ADAMTS17: variants seen among roughly 807,000 people sequenced by gnomAD.
The protein encoded by ADAMTS17 is ADAM metallopeptidase with thrombospondin type 1 motif 17.
ADAMTS17 carries 113 observed loss-of-function variants against 141.5 expected under a neutral mutation model. The ratio of observed to expected loss-of-function variants is 0.80; its 90% CI spans 0.69 to 0.93. The LOEUF (loss-of-function observed/expected upper bound fraction) is 0.93, where lower values mean the gene tolerates loss of function less well. Among genes scored for constraint, ADAMTS17 ranks in the 40% least tolerant of loss-of-function variants. The probability of loss-of-function intolerance (pLI) is 0.00; values close to 1 mark genes in which losing one functional copy is unlikely to be tolerated. For missense variants in ADAMTS17, 1,659 were observed against 1,517.9 expected, an observed-to-expected ratio of 1.09 and a Z score of -1.54; for synonymous variants, 768 against 630.6, an observed-to-expected ratio of 1.22 and a Z score of -3.27.
At chr15:100,125,625 C>T (rs2037693109) in intron 12 of ADAMTS17, among the ~76,000 whole-genome samples, 1 of 152,190 alleles carries the variant, frequency 6.6e-6, no homozygotes, top group Non-Finnish European at 1.5e-5. Context: ...TCCCCACACA[C>T]AAACTGTCGA....
At chr15:100,106,546 C>G (rs2036424377) in intron 14 of ADAMTS17, among the ~76,000 whole-genome samples, 1 of 152,188 alleles carries the variant, frequency 6.6e-6, no homozygotes, top group Non-Finnish European at 1.5e-5. Flanking sequence ...CCCATTGGCA[C>G]AGATCGCACA....
At chr15:100,144,296 A>G (rs1278294167) in intron 10 of ADAMTS17, among the ~76,000 whole-genome samples, 3 of 152,202 alleles carry the variant, frequency 2.0e-5, no homozygotes. Context: ...TCACACCTGT[A>G]GTCCCAGCAC....
At chr15:100,072,335 G>C (rs200075012) in intron 15 of ADAMTS17, among the ~76,000 whole-genome samples, 1 of 145,394 alleles carries the variant, frequency 6.9e-6, no homozygotes. Context: ...TACTGCCCAA[G>C]GTAATTTATA....
chr15:100,333,149 C>T lies in ADAMTS17; in HGVS notation c.451-2095G>A, dbSNP rs59188932. Reference sequence around the variant, plus strand: ...TCTTCCCTAAATAAACCCCCTTCCCCGCAGCCCCCTGCACTCTTACATTCC... The same window carrying T: ...TCTTCCCTAAATAAACCCCCTTCCCTGCAGCCCCCTGCACTCTTACATTCC... On this transcript the variant is annotated intron_variant, in intron 2 of 21. Coordinates refer to ENST00000268070, the MANE Select transcript of ADAMTS17 (RefSeq NM_139057.4). 1.7e-4 allele frequency among the ~76,000 whole-genome samples: 26 copies of T among 152,294 alleles called. 1 individual carries two copies. The East Asian group carries it at 3.9e-3, about 23-fold the overall frequency.
At chr15:100,288,748 A>G (rs974229166) in intron 3 of ADAMTS17, among the ~76,000 whole-genome samples, 1 of 152,220 alleles carries the variant, frequency 6.6e-6, no homozygotes, top group Admixed American at 6.5e-5. Context: ...GAAATTAAAC[A>G]AGCTGCACCT....
At chr15:100,322,723 G>A (rs77142401) in intron 3 of ADAMTS17, among the ~76,000 whole-genome samples, 3,003 of 152,246 alleles carry the variant, frequency 0.02, 106 homozygotes, top group African/African-American at 0.062. Context: ...ACAGGAAATT[G>A]CAGCAGAAAT....
intron 18 of ADAMTS17, among the ~76,000 whole-genome samples, chr15:100,006,362 T>C (rs1293700476): frequency 2.0e-5 from 3 of 152,188 alleles, no homozygotes; most frequent in Admixed American, 6.5e-5. Flanking sequence ...TCAGCTCCTA[T>C]TTAAAATTCA....
chr15:99,977,983 G>C (rs1235176029), intron 20 of ADAMTS17, among the ~76,000 whole-genome samples: 1 of 152,206 alleles, frequency 6.6e-6, no homozygotes, highest in East Asian at 1.9e-4. Context: ...CTGGAGCTAG[G>C]AATGGCACCT....
Position 99,997,696 on chromosome 15 carries a change from G to T in ADAMTS17, c.2592-107C>A. On this transcript the variant is annotated intron_variant, in intron 18 of 21. Transcript: ENST00000268070. The surrounding 1 kb of genome is among the most constrained non-coding windows in gnomAD (Gnocchi z 4.7). ...ATTGCTGCCCTGTGGTGGGAGAGAGGGAGGCAGACTCAGGAAGCTTTTCAG... is the reference window on the plus strand; with the variant it reads ...ATTGCTGCCCTGTGGTGGGAGAGAGTGAGGCAGACTCAGGAAGCTTTTCAG... The T allele has an allele frequency of 7.1e-7, 1 of 1,405,678 alleles. No individual in the cohort carries two copies. Among genetic ancestry groups the T allele is most frequent in the Non-Finnish European group, 9.9e-7 (1 of 1,005,988 alleles). The allele number at this position is 1,405,678 out of a possible 1,614,324, so 87.1% of individuals were successfully genotyped here.
chr15:100,265,561 A>G (rs1320289424), intron 4 of ADAMTS17, among the ~76,000 whole-genome samples: 1 of 152,154 alleles, frequency 6.6e-6, no homozygotes, highest in Admixed American at 6.5e-5. Context: ...CTGGCTAGGC[A>G]ATGTAGGGAC....
At chr15:100,198,459 T>C (rs1375150015) in intron 8 of ADAMTS17, among the ~76,000 whole-genome samples, 2 of 152,214 alleles carry the variant, frequency 1.3e-5, no homozygotes, top group Admixed American at 1.3e-4. Context: ...ACCTTTACAA[T>C]AATTTTTCCC....
At chr15:100,188,334 C>T (rs1261940617) in intron 8 of ADAMTS17, among the ~76,000 whole-genome samples, 2 of 151,924 alleles carry the variant, frequency 1.3e-5, no homozygotes, top group East Asian at 3.9e-4. Flanking sequence ...GCCTCAGCCT[C>T]CCGAAATGCT....
chr15:100,254,018 A>C (rs764890788), intron 7 of ADAMTS17, 118 bp downstream of exon 7: 7 of 954,120 alleles, frequency 7.3e-6, no homozygotes, highest in South Asian at 2.8e-5. Flanking sequence ...TACAGGAAGG[A>C]AGGCAACAGA....
intron 8 of ADAMTS17, among the ~76,000 whole-genome samples, chr15:100,163,916 T>C (rs991379693): frequency 1.3e-5 from 2 of 152,228 alleles, no homozygotes; most frequent in African/African-American, 4.8e-5. Flanking sequence ...CCTCCAGATG[T>C]AACAGGGATA....
intron 3 of ADAMTS17, among the ~76,000 whole-genome samples, chr15:100,309,120 G>A (rs2045322026): frequency 6.6e-6 from 1 of 152,230 alleles, no homozygotes; most frequent in South Asian, 2.1e-4. Flanking sequence ...CCAGCACTTT[G>A]GGAGGCAGAG....
chr15:100,328,994 C>T (rs1377441479), intron 3 of ADAMTS17, among the ~76,000 whole-genome samples: 1 of 152,090 alleles, frequency 6.6e-6, no homozygotes, highest in Non-Finnish European at 1.5e-5. Context: ...CAGTCCTTAG[C>T]GATGTGGTTT....
chr15:100,095,490 T>C (rs1023079178), intron 15 of ADAMTS17, among the ~76,000 whole-genome samples: 1 of 152,132 alleles, frequency 6.6e-6, no homozygotes. Flanking sequence ...TGTTCTCTTG[T>C]TGGGGGAAAA....
intron 8 of ADAMTS17, among the ~76,000 whole-genome samples, chr15:100,156,411 T>C (rs62036168): frequency 0.035 from 5,265 of 152,132 alleles, 118 homozygotes; most frequent in Non-Finnish European, 0.04. Flanking sequence ...CCACGTGGAG[T>C]TGGATCAGCT....
chr15:99,994,861 G>A (rs575790173), intron 19 of ADAMTS17, among the ~76,000 whole-genome samples: 12 of 152,354 alleles, frequency 7.9e-5, no homozygotes, highest in Non-Finnish European at 1.2e-4. Flanking sequence ...ATTGCGCCTC[G>A]CAGCTCTTTC....
Sources: allele counts gnomAD v4.1 joint callset (sites outside exome capture counted in the v4.1 genomes callset), GRCh38; gene constraint gnomAD v4.1.1; non-coding constraint Gnocchi (gnomAD v3.1); transcripts MANE v1.5; gene names NCBI Gene and HGNC (gene_info 2026-07-23, HGNC 2026-07-21).